Variants in EXD3 observed in about 807,000 individuals in gnomAD.
The protein encoded by EXD3 is exonuclease 3'-5' domain containing 3, also known as exonuclease mut-7 homolog.
In EXD3, 92 loss-of-function variants were observed where a neutral mutation model predicts 98.0. The observed-to-expected ratio is 0.94, with a 90% CI of 0.79 to 1.12. EXD3 has a LOEUF of 1.12. EXD3 is among the 50% of genes most tolerant of loss of function. The pLI, the probability that EXD3 is intolerant of heterozygous loss-of-function variation, is 0.00. For missense variants in EXD3, 1,222 were observed against 1,191.6 expected (o/e 1.03, Z -0.38); for synonymous variants, 569 against 526.0 (o/e 1.08, Z -1.12).
At chr9:137,384,617 T>C (rs1047839636) in intron 2 of EXD3, among the ~76,000 whole-genome samples, 3 of 152,166 alleles carry the variant, frequency 2.0e-5, no homozygotes, top group Non-Finnish European at 2.9e-5. Flanking sequence ...CGGCCGACAA[T>C]GTGATTGATT....
rs753803061 is a variant in EXD3, at chr9:137,373,035, A to G, written c.332T>C (p.Val111Ala). 2 of 1,600,934 alleles carry G rather than the reference A, an allele frequency of 1.2e-6. No homozygotes were observed. The highest frequency in any genetic ancestry group is 1.7e-5 in the Admixed American group (1 of 59,360). Reference protein sequence around the residue: ...LRLKQLQARAVKVLTESPPSL... With the variant: ...LRLKQLQARAAKVLTESPPSL... ...GGGGGGGCTCTCAGTGAGGACTTTGACCGCTCGGGCCTGCAGCTGCTTCAG... is the reference window on the plus strand; with the variant it reads ...GGGGGGGCTCTCAGTGAGGACTTTGGCCGCTCGGGCCTGCAGCTGCTTCAG... The change falls in exon 5 of 22, where the codon GTC becomes GCC. Residue 111 changes from valine to alanine, a missense_variant. Transcript: ENST00000340951.
intron 2 of EXD3, among the ~76,000 whole-genome samples, chr9:137,388,597 G>C (rs1360878885): frequency 6.6e-6 from 1 of 152,100 alleles, no homozygotes; most frequent in Non-Finnish European, 1.5e-5. Flanking sequence ...CCCAGGAACT[G>C]AGGCCGACCC....
chr9:137,383,492 G>A lies in EXD3; in HGVS notation c.56-115C>T, dbSNP rs116026671. 6.0e-3 allele frequency: 4,539 copies of A among 754,774 alleles called. 153 individuals are homozygous for A. The African/African-American group carries it at 0.071, about 12-fold the overall frequency. The allele number at this position is 754,774 out of a possible 1,614,324, so 46.8% of individuals were successfully genotyped here. ...AATGCCTGGGGCTCCTCTGGACCCG[G>A]GGGGCCGGGAACCCTCCCCCACCTC... On this transcript the variant is annotated intron_variant, in intron 2 of 21. Transcript: ENST00000340951.
intron 7 of EXD3, chr9:137,365,635 G>C: frequency 1.4e-5 from 2 of 142,022 alleles, no homozygotes; most frequent in Non-Finnish European, 2.8e-5. Flanking sequence ...GCACACACAC[G>C]TGCACACACA....
In EXD3 at chr9:137,347,999, TA is replaced by T. The variant is rs1202029188; in HGVS notation, c.1998+71del. 9 of 1,487,338 alleles carry T rather than the reference TA, an allele frequency of 6.1e-6. No homozygotes were observed. The highest frequency in any genetic ancestry group is 1.3e-5 in the South Asian group (1 of 77,412). 92.1% of individuals were successfully genotyped at this position (1,487,338 alleles called of 1,614,324 possible). On this transcript the variant is annotated intron_variant, in intron 17 of 21. Transcript: ENST00000340951. This position sits in a 1 kb window ranked among gnomAD's most constrained non-coding sequence, Gnocchi z 4.2. ...TGAGCTGGAGGGAGGAGTTTGATGC[TA>T]GGGGTGGGCACACCTGTGCTAGGGG...
At chr9:137,410,779 C>T (rs1033720924) in intron 1 of EXD3, among the ~76,000 whole-genome samples, 6 of 152,162 alleles carry the variant, frequency 3.9e-5, no homozygotes, top group African/African-American at 9.7e-5. Flanking sequence ...GTGGAGGCGA[C>T]GCTGCTGAGG....
chr9:137,333,652 T>C (rs1323482251), intron 17 of EXD3, among the ~76,000 whole-genome samples: 1 of 152,218 alleles, frequency 6.6e-6, no homozygotes, highest in East Asian at 1.9e-4. Context: ...CCCCTCTTGC[T>C]CTCTCGCTCC....
Position 137,349,356 on chromosome 9 carries a change from C to T in EXD3, c.1657+13G>A. On this transcript the variant is annotated intron_variant, in intron 15 of 21. Coordinates refer to ENST00000340951, the MANE Select transcript of EXD3 (RefSeq NM_017820.5). The surrounding 1 kb of genome is among the most constrained non-coding windows in gnomAD (Gnocchi z 7.4). Reference sequence around the variant, plus strand: ...CGTGAGGAGGGGTCACTCCCACCCGCCGCACCGCACACCTGCGTAGATGAC... The same window carrying T: ...CGTGAGGAGGGGTCACTCCCACCCGTCGCACCGCACACCTGCGTAGATGAC... The T allele has an allele frequency of 6.4e-7, 1 of 1,570,194 alleles. No individual in the cohort carries two copies. Among genetic ancestry groups the T allele is most frequent in the Non-Finnish European group, 8.6e-7 (1 of 1,163,914 alleles).
At chr9:137,351,785 G>A (rs997949230) in intron 12 of EXD3, among the ~76,000 whole-genome samples, 2 of 152,240 alleles carry the variant, frequency 1.3e-5, no homozygotes, top group African/African-American at 2.4e-5. Flanking sequence ...GGCAGTGCCC[G>A]TGTCAGGGAG....
chr9:137,318,007 C>T (rs1831788513), intron 19 of EXD3, among the ~76,000 whole-genome samples: 2 of 151,994 alleles, frequency 1.3e-5, no homozygotes, highest in Non-Finnish European at 2.9e-5. Context: ...GCCGCTGCAC[C>T]TCTTCCTGTC....
At chr9:137,329,197 G>A (rs370147700) in intron 17 of EXD3, among the ~76,000 whole-genome samples, 3 of 13,030 alleles carry the variant, frequency 2.3e-4, no homozygotes, top group African/African-American at 1.2e-3. Context: ...ACTACACGGG[G>A]CTACACGGGG....
chr9:137,372,360 G>A (rs1015184204), intron 5 of EXD3, among the ~76,000 whole-genome samples: 4 of 152,212 alleles, frequency 2.6e-5, no homozygotes, highest in African/African-American at 7.2e-5. Flanking sequence ...ACCACTCTGG[G>A]GGTGCTGTGG....
intron 8 of EXD3, among the ~76,000 whole-genome samples, chr9:137,355,165 G>A (rs1435282272): frequency 6.6e-6 from 1 of 152,126 alleles, no homozygotes; most frequent in African/African-American, 2.4e-5. Flanking sequence ...GAAGCCCCAT[G>A]AGCGGCAGGG....
rs576576838 is a variant in EXD3, at chr9:137,307,046, C to G, written c.2535G>C (p.Leu845=). ...CTCGGAAGTGGGTGGCAACACGACC[C>G]AGGTGGGAGCCGTCCCAGAAGACCT... ...CGKVFWDGSH[L]GRVATHFRDM... is the part of the protein sequence containing the mutation. Residue 845 remains leucine (L), a synonymous_variant, in exon 22 of 22, where the codon CTG becomes CTC. Coordinates refer to ENST00000340951, the MANE Select transcript of EXD3 (RefSeq NM_017820.5). 1 of 1,612,120 alleles carries G rather than the reference C, an allele frequency of 6.2e-7. No homozygotes were observed. Among genetic ancestry groups the G allele is most frequent in the Non-Finnish European group, 8.5e-7 (1 of 1,179,658 alleles).
intron 19 of EXD3, among the ~76,000 whole-genome samples, chr9:137,320,939 A>T (rs1831998465): frequency 6.6e-6 from 1 of 152,188 alleles, no homozygotes; most frequent in African/African-American, 2.4e-5. Flanking sequence ...GAGGCAGCGG[A>T]CGCGGTTCCT....
Position 137,354,369 on chromosome 9 carries a change from C to T in EXD3, c.840G>A (p.Leu280=), listed in dbSNP as rs1277516802. The T allele has an allele frequency of 6.2e-7, 1 of 1,612,318 alleles. No individual in the cohort carries two copies. The highest frequency in any genetic ancestry group is 8.5e-7 in the Non-Finnish European group (1 of 1,179,600). ...LCHKRFVEKS[L]SQENWTDHVQ... is the part of the protein sequence containing the mutation. ...CATGGTCGGTCCAGTTCTCCTGTGA[C>T]AGGCTCTTCTGCAAAGGCAAACAGG... Residue 280 remains leucine, a synonymous_variant, in exon 10 of 22, where the codon CTG becomes CTA. Transcript: ENST00000340951.
intron 19 of EXD3, among the ~76,000 whole-genome samples, chr9:137,320,377 G>A (rs1831967748): frequency 1.3e-5 from 2 of 152,200 alleles, no homozygotes; most frequent in African/African-American, 2.4e-5. Flanking sequence ...CCTTGGTCCT[G>A]GACAGCTGGC....
At chr9:137,406,698 A>C (rs1837729278) in intron 1 of EXD3, among the ~76,000 whole-genome samples, 1 of 151,754 alleles carries the variant, frequency 6.6e-6, no homozygotes, top group South Asian at 2.1e-4. Flanking sequence ...TCCCACGGGC[A>C]CTCCCAGCGG....
At chr9:137,404,720 C>T (rs189592630) in intron 1 of EXD3, among the ~76,000 whole-genome samples, 279 of 152,210 alleles carry the variant, frequency 1.8e-3, no homozygotes, top group Non-Finnish European at 3.2e-3. Flanking sequence ...ATTAGCTGGG[C>T]GTGGTGGCAC....
Sources: allele counts gnomAD v4.1 joint callset (sites outside exome capture counted in the v4.1 genomes callset), GRCh38; gene constraint gnomAD v4.1.1; non-coding constraint Gnocchi (gnomAD v3.1); transcripts MANE v1.5; gene names NCBI Gene and HGNC (gene_info 2026-07-23, HGNC 2026-07-21).